Variants in TFEC observed in about 807,000 individuals in gnomAD.
TFEC encodes transcription factor EC.
TFEC carries 31 observed loss-of-function variants against 41.6 expected under a neutral mutation model. That is an observed-to-expected ratio of 0.74 (90% confidence interval 0.56 to 1.01). The LOEUF (loss-of-function observed/expected upper bound fraction) is 1.01. Among genes scored for constraint, TFEC ranks in the 50% least tolerant of loss-of-function variants. The pLI is 0.00. For synonymous variants in TFEC, 143 were observed against 140.6 expected (o/e 1.02, Z -0.12); for missense variants, 402 against 404.1 (o/e 0.99, Z 0.04).
At chr7:116,029,589 T>C (rs1300964139) in intron 1 of TFEC, among the ~76,000 whole-genome samples, 1 of 152,050 alleles carries the variant, frequency 6.6e-6, no homozygotes, top group Non-Finnish European at 1.5e-5. Context: ...AAAATGCATA[T>C]TCCCAGTGAA....
chr7:115,995,306 G>T (rs1159546210), intron 1 of TFEC, among the ~76,000 whole-genome samples: 2 of 151,394 alleles, frequency 1.3e-5, no homozygotes, highest in Non-Finnish European at 2.9e-5. Context: ...TAACAAACCT[G>T]CACATTGTGC....
chr7:116,120,040 G>T (rs1421097286), intron 1 of TFEC: 1 of 151,378 alleles, frequency 6.6e-6, no homozygotes, highest in Non-Finnish European at 1.5e-5. Context: ...GAGAGAAGAG[G>T]ATTTTTTTGC....
intron 3 of TFEC, among the ~76,000 whole-genome samples, chr7:116,060,682 G>T (rs998148532): frequency 5.3e-5 from 8 of 151,996 alleles, no homozygotes; most frequent in Non-Finnish European, 8.8e-5. Context: ...ACACAAAGAA[G>T]GAAAGAACAG....
intron 3 of TFEC, among the ~76,000 whole-genome samples, chr7:116,079,333 A>T (rs1299610291): frequency 6.6e-6 from 1 of 152,130 alleles, no homozygotes; most frequent in African/African-American, 2.4e-5. Context: ...TAACCAGAGC[A>T]ATCAGACAAG....
chr7:116,121,759 T>C (rs1024925634), intron 1 of TFEC, among the ~76,000 whole-genome samples: 1 of 151,938 alleles, frequency 6.6e-6, no homozygotes, highest in Non-Finnish European at 1.5e-5. Flanking sequence ...GACAGGGAAA[T>C]AAGGTAAAAG....
At chr7:116,089,847 G>C (rs1188540731) in intron 3 of TFEC, among the ~76,000 whole-genome samples, 3 of 152,098 alleles carry the variant, frequency 2.0e-5, no homozygotes, top group Admixed American at 6.6e-5. Flanking sequence ...TTCTGGTTTT[G>C]AAACAAAGAA....
chr7:115,952,802 G>A (rs1262902979), intron 5 of TFEC, among the ~76,000 whole-genome samples: 1 of 152,020 alleles, frequency 6.6e-6, no homozygotes, highest in African/African-American at 2.4e-5. Flanking sequence ...TTAGATCCAG[G>A]CAAGAGAGGC....
intron 2 of TFEC, among the ~76,000 whole-genome samples, chr7:115,979,697 T>C (rs1793539802): frequency 6.6e-6 from 1 of 152,198 alleles, no homozygotes; most frequent in Admixed American, 6.6e-5. Context: ...TCCTTCTAAC[T>C]ACCATACTTC....
intron 3 of TFEC, among the ~76,000 whole-genome samples, chr7:116,037,319 C>T (rs17302122): frequency 0.18 from 27,524 of 151,882 alleles, 2,549 homozygotes; most frequent in East Asian, 0.33. Flanking sequence ...TCTGAAGAAA[C>T]TTAGCTTCCC....
chr7:116,028,046 A>G (rs2130880224), intron 1 of TFEC, among the ~76,000 whole-genome samples: 1 of 152,302 alleles, frequency 6.6e-6, no homozygotes, highest in Admixed American at 6.5e-5. Flanking sequence ...TGACCAATTC[A>G]TTCTTAAACC....
chr7:116,044,778 G>A (rs1796123396), intron 3 of TFEC, among the ~76,000 whole-genome samples: 1 of 152,198 alleles, frequency 6.6e-6, no homozygotes, highest in Admixed American at 6.5e-5. Context: ...GGCATAATCT[G>A]TAGTTCCACT....
At chr7:116,076,057 TATCCA>T (rs1354926024) in intron 3 of TFEC, among the ~76,000 whole-genome samples, 1 of 152,196 alleles carries the variant, frequency 6.6e-6, no homozygotes, top group Admixed American at 6.5e-5. Context: ...CAGGTGCTGT[TATCCA>T]CGGCTGAAAG....
intron 3 of TFEC, among the ~76,000 whole-genome samples, chr7:116,076,303 C>A (rs2131040024): frequency 6.6e-6 from 1 of 152,250 alleles, no homozygotes; most frequent in Middle Eastern, 3.4e-3. Context: ...TTCCCTCTGA[C>A]ATAGTCTACC....
chr7:115,988,601 A>G (rs1793963638), intron 1 of TFEC, among the ~76,000 whole-genome samples: 1 of 152,108 alleles, frequency 6.6e-6, no homozygotes, highest in Admixed American at 6.5e-5. Context: ...AAAAGATGTA[A>G]CATGTGCACA....
intron 2 of TFEC, among the ~76,000 whole-genome samples, chr7:115,978,159 CACTT>C (rs1362602030): frequency 6.6e-6 from 1 of 151,840 alleles, no homozygotes; most frequent in Non-Finnish European, 1.5e-5. Context: ...ATAAGAGACA[CACTT>C]AAAAGTAAAC....
intron 3 of TFEC, among the ~76,000 whole-genome samples, chr7:116,096,895 T>A (rs764727070): frequency 6.6e-6 from 1 of 151,924 alleles, no homozygotes; most frequent in Non-Finnish European, 1.5e-5. Context: ...ATCGAGAACA[T>A]CCTGGCCATC....
chr7:116,140,660 A>G (rs763000481), intron 1 of TFEC, among the ~76,000 whole-genome samples: 1 of 152,218 alleles, frequency 6.6e-6, no homozygotes, highest in Non-Finnish European at 1.5e-5. Flanking sequence ...CTAAAGGAAT[A>G]TGAATAACAC....
intron 3 of TFEC, among the ~76,000 whole-genome samples, chr7:116,056,991 T>C (rs1796446638): frequency 6.6e-6 from 1 of 152,010 alleles, no homozygotes; most frequent in South Asian, 2.1e-4. Context: ...CAAATTGAAC[T>C]TCTAAATATG....
At chr7:116,024,448 T>C (rs2130866452) in intron 1 of TFEC, among the ~76,000 whole-genome samples, 1 of 152,290 alleles carries the variant, frequency 6.6e-6, no homozygotes, top group East Asian at 1.9e-4. Flanking sequence ...CTGTTCAGCT[T>C]TCACCTTGGG....
Sources: gnomAD v4.1 joint callset for allele counts (sites outside exome capture counted in the v4.1 genomes callset) on GRCh38, gnomAD v4.1.1 for gene constraint, MANE v1.5 for transcripts, NCBI Gene and HGNC (gene_info 2026-07-23, HGNC 2026-07-21) for gene names.